VAV3: variants seen among roughly 807,000 people sequenced by gnomAD.
VAV3 encodes vav guanine nucleotide exchange factor 3.
A neutral mutation model predicts 131.2 loss-of-function variants in VAV3; 94 were observed. The ratio of observed to expected loss-of-function variants is 0.72; its 90% CI spans 0.61 to 0.85. The LOEUF (loss-of-function observed/expected upper bound fraction) is 0.85, where lower values mean the gene tolerates loss of function less well. Among genes scored for constraint, VAV3 ranks in the 40% least tolerant of loss-of-function variants. The probability of loss-of-function intolerance (pLI) is 0.00; values close to 1 mark genes in which losing one functional copy is unlikely to be tolerated. For synonymous variants in VAV3, 349 were observed against 342.0 expected (o/e 1.02, Z -0.22); for missense variants, 939 against 1,002.7 (o/e 0.94, Z 0.86).
chr1:107,737,279 C>G (rs984003774), intron 15 of VAV3, among the ~76,000 whole-genome samples: 12 of 152,134 alleles, frequency 7.9e-5, no homozygotes, highest in African/African-American at 2.7e-4. Context: ...CAATACCATT[C>G]AGGACATAGG....
intron 2 of VAV3, among the ~76,000 whole-genome samples, chr1:107,845,098 C>G (rs1446992967): frequency 6.6e-6 from 1 of 152,160 alleles, no homozygotes; most frequent in Non-Finnish European, 1.5e-5. Context: ...GACGAAGCTT[C>G]CAGAGAAAGG....
At chr1:107,772,637 T>TA (rs1016336136) in intron 5 of VAV3, 98 bp downstream of exon 5, 118 of 1,040,420 alleles carry the variant, frequency 1.1e-4, no homozygotes, top group Non-Finnish European at 1.4e-4. Flanking sequence ...AAGCAAAGGT[T>TA]AAAAAAAATC....
chr1:107,936,465 G>A (rs1412656), intron 1 of VAV3, among the ~76,000 whole-genome samples: 5,595 of 152,230 alleles, frequency 0.037, 151 homozygotes, highest in East Asian at 0.11. Flanking sequence ...TTGTCTTACC[G>A]AGTTTTTAAA....
chr1:107,863,495 C>A (rs1669838557), intron 2 of VAV3, among the ~76,000 whole-genome samples: 1 of 152,140 alleles, frequency 6.6e-6, no homozygotes, highest in Non-Finnish European at 1.5e-5. Flanking sequence ...CAGTGCAGAC[C>A]CTGCAAGATC....
At chr1:107,833,789 T>A (rs1348130531) in intron 2 of VAV3, among the ~76,000 whole-genome samples, 1 of 152,202 alleles carries the variant, frequency 6.6e-6, no homozygotes, top group Non-Finnish European at 1.5e-5. Flanking sequence ...GGGAGTCACT[T>A]GGATGACAAG....
chr1:107,751,741 C>T (rs549931970), intron 12 of VAV3, among the ~76,000 whole-genome samples: 4 of 152,150 alleles, frequency 2.6e-5, no homozygotes, highest in African/African-American at 9.6e-5. Flanking sequence ...ACCTCAAGGA[C>T]GAAAAGCTCT....
intron 2 of VAV3, among the ~76,000 whole-genome samples, chr1:107,788,509 C>G (rs1666132752): frequency 6.6e-6 from 1 of 152,082 alleles, no homozygotes; most frequent in Admixed American, 6.6e-5. Flanking sequence ...TTAACACTTT[C>G]CCACTAAAGA....
chr1:107,905,022 G>C (rs1331967339), intron 1 of VAV3, among the ~76,000 whole-genome samples: 1 of 152,136 alleles, frequency 6.6e-6, no homozygotes, highest in Non-Finnish European at 1.5e-5. Flanking sequence ...CCAGTGCAAA[G>C]CCTTAAGGAA....
chr1:107,618,632 T>C (rs1653346507), intron 20 of VAV3, among the ~76,000 whole-genome samples: 1 of 152,194 alleles, frequency 6.6e-6, no homozygotes, highest in South Asian at 2.1e-4. Flanking sequence ...GCTATGATCC[T>C]TTATGGTAGG....
At chr1:107,938,680 C>A (rs1037709045) in intron 1 of VAV3, among the ~76,000 whole-genome samples, 31 of 152,234 alleles carry the variant, frequency 2.0e-4, no homozygotes, top group African/African-American at 7.2e-4. Context: ...ACACTAAACC[C>A]ATGAAGTACT....
intron 2 of VAV3, among the ~76,000 whole-genome samples, chr1:107,790,452 C>T (rs904166920): frequency 1.3e-5 from 2 of 152,110 alleles, no homozygotes; most frequent in Admixed American, 6.5e-5. Flanking sequence ...AATGCACATA[C>T]GTGTTTACAC....
At chr1:107,878,022 T>C (rs987174420) in intron 1 of VAV3, among the ~76,000 whole-genome samples, 14 of 151,900 alleles carry the variant, frequency 9.2e-5, no homozygotes, top group Non-Finnish European at 5.9e-5. Flanking sequence ...AACTGATTTT[T>C]TTTCCAGTTT....
At chr1:107,619,135 A>G (rs1181425981) in intron 20 of VAV3, among the ~76,000 whole-genome samples, 2 of 152,218 alleles carry the variant, frequency 1.3e-5, no homozygotes, top group Admixed American at 1.3e-4. Context: ...AAGACTGGGA[A>G]AAGTATGAAG....
intron 15 of VAV3, among the ~76,000 whole-genome samples, chr1:107,741,391 T>C (rs892235958): frequency 2.6e-5 from 4 of 152,136 alleles, no homozygotes; most frequent in African/African-American, 9.7e-5. Flanking sequence ...GACTAGCCGC[T>C]CCCTGAAGGG....
chr1:107,904,273 T>C (rs1268060347), intron 1 of VAV3, among the ~76,000 whole-genome samples: 3 of 152,224 alleles, frequency 2.0e-5, no homozygotes, highest in Non-Finnish European at 4.4e-5. Flanking sequence ...GATGCCAAGC[T>C]GTCACTCTAG....
chr1:107,755,865 C>A (rs999842141), intron 11 of VAV3, among the ~76,000 whole-genome samples: 5 of 152,156 alleles, frequency 3.3e-5, no homozygotes, highest in African/African-American at 1.2e-4. Flanking sequence ...ACCTTGAGAG[C>A]ATGATATTTT....
At chr1:107,785,384 G>T in intron 2 of VAV3, 4 of 1,264,132 alleles carry the variant, frequency 3.2e-6, no homozygotes, top group Admixed American at 2.8e-5. Flanking sequence ...ACCCATACCA[G>T]ACCCAAAAGG....
intron 10 of VAV3, among the ~76,000 whole-genome samples, chr1:107,759,549 G>A (rs1664302141): frequency 6.6e-6 from 1 of 152,092 alleles, no homozygotes; most frequent in South Asian, 2.1e-4. Context: ...AGAATTTTGA[G>A]AGGGAAAAAC....
At chr1:107,674,024 T>G (rs149583098) in intron 19 of VAV3, among the ~76,000 whole-genome samples, 1 of 152,314 alleles carries the variant, frequency 6.6e-6, no homozygotes, top group African/African-American at 2.4e-5. Flanking sequence ...ACAACAAATA[T>G]CTATTGTATT....
Sources: allele counts gnomAD v4.1 joint callset (sites outside exome capture counted in the v4.1 genomes callset), GRCh38; gene constraint gnomAD v4.1.1; transcripts MANE v1.5; gene names NCBI Gene and HGNC (gene_info 2026-07-23, HGNC 2026-07-21).